CLSTN3: variants seen among roughly 807,000 people sequenced by gnomAD.
CLSTN3 encodes the protein calsyntenin-3.
In CLSTN3, 36 loss-of-function variants were observed where a neutral mutation model predicts 95.9. The ratio of observed to expected loss-of-function variants is 0.38; its 90% CI spans 0.29 to 0.50. CLSTN3 has a LOEUF of 0.50. Ranked by LOEUF, CLSTN3 falls within the 20% of genes least tolerant of loss-of-function variation. The probability of loss-of-function intolerance (pLI) is 0.95; values close to 1 mark genes in which losing one functional copy is unlikely to be tolerated. For synonymous variants in CLSTN3, 481 were observed against 504.0 expected, an observed-to-expected ratio of 0.95 and a Z score of 0.61; for missense variants, 1,084 against 1,268.8, an observed-to-expected ratio of 0.85 and a Z score of 2.21.
chr12:7,139,265 G>A (rs1325577946), intron 8 of CLSTN3, among the ~76,000 whole-genome samples: 1 of 152,228 alleles, frequency 6.6e-6, no homozygotes, highest in Non-Finnish European at 1.5e-5. Context: ...CGGGAGGCAA[G>A]GAAAGGAGAA....
At position 7,135,318 on chromosome 12, in the gene CLSTN3, C is replaced by T. The variant is rs2278822; in HGVS notation, c.384-9C>T. 0.83 allele frequency: 1,341,838 copies of T among 1,612,794 alleles called. 562,672 individuals are homozygous for T. The highest frequency in any genetic ancestry group is 0.87 in the South Asian group (79,298 of 91,038). On this transcript the variant is annotated splice_polypyrimidine_tract_variant and intron_variant, in intron 3 of 17. Transcript: ENST00000266546. ...TGTCTTCATCCCTCCTTCTCTCTGG[C>T]ATATGCAGGGCCACTGTGCATGTGC...
intron 8 of CLSTN3, among the ~76,000 whole-genome samples, chr12:7,139,148 C>T (rs1020771877): frequency 3.3e-5 from 5 of 152,184 alleles, no homozygotes; most frequent in African/African-American, 9.7e-5. Flanking sequence ...ATTCAACTTA[C>T]ATTTCAGTTG....
chr12:7,158,291 G>A lies in CLSTN3; in HGVS notation c.*210G>A. 3.6e-6 allele frequency: 2 copies of A among 551,728 alleles called. No homozygotes were observed. The highest frequency in any genetic ancestry group is 3.1e-6 in the Non-Finnish European group (1 of 323,120). The allele number at this position is 551,728 out of a possible 1,614,324, so 34.2% of individuals were successfully genotyped here. ...CCATCCCTCACTTCTGGGCTGTCATGCTCCTGGTGTGCCCCTTGCACTGGG... is the reference window on the plus strand; with the variant it reads ...CCATCCCTCACTTCTGGGCTGTCATACTCCTGGTGTGCCCCTTGCACTGGG... On this transcript the variant is annotated 3_prime_UTR_variant, in exon 18 of 18. Transcript: ENST00000266546.
At chr12:7,146,146 A>G (rs1311332405) in intron 12 of CLSTN3, among the ~76,000 whole-genome samples, 9 of 152,192 alleles carry the variant, frequency 5.9e-5, no homozygotes, top group Admixed American at 3.9e-4. Context: ...TGCCCACTGC[A>G]TAAAAATGTC....
At position 7,150,468 on chromosome 12, in the gene CLSTN3, G is replaced by A; in HGVS notation, c.2246-76G>A. On this transcript the variant is annotated intron_variant, in intron 14 of 17. Coordinates refer to ENST00000266546, the MANE Select transcript of CLSTN3 (RefSeq NM_014718.4). This position sits in a 1 kb window ranked among gnomAD's most constrained non-coding sequence, Gnocchi z 4.0. ...TACAGCTTGTGTGGCGTCAGCTGGT[G>A]GGAGTCCAGGAGAGAGGGTCCTGCC... 1 of 1,527,174 alleles carries A rather than the reference G, an allele frequency of 6.5e-7. No homozygotes were observed. Among genetic ancestry groups the A allele is most frequent in the Non-Finnish European group, 8.9e-7 (1 of 1,126,086 alleles). 94.6% of individuals were successfully genotyped at this position (1,527,174 alleles called of 1,614,324 possible).
Position 7,135,355 on chromosome 12 carries a change from G to A in CLSTN3, c.412G>A (p.Val138Met), listed in dbSNP as rs1163837353. ...CACTGTGCATGTGCGGGTCAACGATGTGAACGAGTTTGCCCCAGTGTTTGT... is the reference window on the plus strand; with the variant it reads ...CACTGTGCATGTGCGGGTCAACGATATGAACGAGTTTGCCCCAGTGTTTGT... ...KATVHVRVND[V>M]NEFAPVFVER... The change falls in exon 4 of 18, where the codon GTG becomes ATG. Residue 138 changes from valine (V) to methionine (M), a missense_variant. Coordinates refer to ENST00000266546, the MANE Select transcript of CLSTN3 (RefSeq NM_014718.4). The A allele has an allele frequency of 5.0e-6, 8 of 1,614,026 alleles. No individual in the cohort carries two copies. The highest frequency in any genetic ancestry group is 2.7e-5 in the African/African-American group (2 of 74,900).
rs1939347305 is a variant in CLSTN3 at position 7,133,624 on chromosome 12, T to C, written c.239T>C (p.Val80Ala). Residue 80 changes from valine to alanine, a missense_variant, in exon 3 of 18, where the codon GTG (valine) becomes GCG (alanine). Physicochemically the swap from Val to Ala is moderately conservative, Grantham distance 64 (BLOSUM62 0). Transcript: ENST00000266546. This position sits in a 1 kb window ranked among gnomAD's most constrained non-coding sequence, Gnocchi z 4.7. Reference protein sequence around the residue: ...LHGSGVPFEAVILDKATGEGL... With the variant: ...LHGSGVPFEAAILDKATGEGL... ...GGGTCTGGGGTGCCCTTTGAGGCTG[T>C]GATCCTTGACAAGGCGACAGGAGAG... 6.2e-7 allele frequency: 1 copy of C among 1,614,076 alleles called. No individual in the cohort carries two copies. The highest frequency in any genetic ancestry group is 8.5e-7 in the Non-Finnish European group (1 of 1,179,994).
At chr12:7,138,629 C>G (rs1939472881) in intron 8 of CLSTN3, 1 of 150,404 alleles carries the variant, frequency 6.6e-6, no homozygotes. Context: ...TATGTTAATT[C>G]TCACTATTAT....
rs139276160 is a variant in CLSTN3 at position 7,142,907 on chromosome 12, C to T, written c.1579C>T (p.Leu527=). 15 of 1,614,050 alleles carry T rather than the reference C, an allele frequency of 9.3e-6. No individual in the cohort carries two copies. The highest frequency in any genetic ancestry group is 1.3e-5 in the African/African-American group (1 of 74,918). ...GATCCACCACTACTTCCATGGCTAC[C>T]TGGCTGGTTTCAGCGTGCGCTCAGG... is the stretch of plus-strand genomic sequence containing the variant. ...LSIHHYFHGY[L]AGFSVRSGRL... Residue 527 remains leucine (L), a synonymous_variant, in exon 11 of 18, where the codon CTG becomes TTG. Transcript: ENST00000266546.
rs767653131 is a variant in CLSTN3 at position 7,137,435 on chromosome 12, C to A, written c.1210+325C>A. ...AAGCCCCTCCATTGCAATGGGAAAG[C>A]CTGGGTAATGGTGTGCCCCATTCTT... On this transcript the variant is annotated intron_variant, in intron 7 of 17. Transcript: ENST00000266546. This position sits in a 1 kb window ranked among gnomAD's most constrained non-coding sequence, Gnocchi z 4.4. The A allele has an allele frequency of 1.4e-5, 5 of 350,378 alleles. No individual in the cohort carries two copies. Among genetic ancestry groups the A allele is most frequent in the South Asian group, 6.5e-5 (2 of 30,670 alleles). 21.7% of individuals were successfully genotyped at this position (350,378 alleles called of 1,614,324 possible).
intron 1 of CLSTN3, chr12:7,130,914 A>G (rs1284594533): frequency 1.6e-5 from 10 of 622,344 alleles, no homozygotes; most frequent in South Asian, 3.8e-5. Flanking sequence ...TTTCTGGTCC[A>G]TCTCTACCCA....
At position 7,149,345 on chromosome 12, in the gene CLSTN3, A is replaced by G; in HGVS notation, c.2074+147A>G. On this transcript the variant is annotated intron_variant, in intron 13 of 17. Coordinates refer to ENST00000266546, the MANE Select transcript of CLSTN3 (RefSeq NM_014718.4). The surrounding 1 kb of genome is among the most constrained non-coding windows in gnomAD (Gnocchi z 4.5). ...ACAACTTACCTTTAAGAAGGAGAGCAAGTGGAAAACACGTGGGTGGAAATG... is the reference window on the plus strand; with the variant it reads ...ACAACTTACCTTTAAGAAGGAGAGCGAGTGGAAAACACGTGGGTGGAAATG... 1 of 925,518 alleles carries G rather than the reference A, an allele frequency of 1.1e-6. No individual in the cohort carries two copies. Among genetic ancestry groups the G allele is most frequent in the Non-Finnish European group, 1.6e-6 (1 of 608,906 alleles). The allele number at this position is 925,518 out of a possible 1,614,324, so 57.3% of individuals were successfully genotyped here.
At chr12:7,142,462 T>C (rs1939543897) in intron 10 of CLSTN3, among the ~76,000 whole-genome samples, 1 of 151,992 alleles carries the variant, frequency 6.6e-6, no homozygotes, top group African/African-American at 2.4e-5. Flanking sequence ...TGAAGCTCGC[T>C]CACATCCATC....
chr12:7,152,721 T>G (rs1023247909), intron 16 of CLSTN3, among the ~76,000 whole-genome samples: 5 of 152,198 alleles, frequency 3.3e-5, no homozygotes, highest in Admixed American at 3.3e-4. Context: ...GCTTATTAAC[T>G]CATTTAGCCA....
intron 16 of CLSTN3, among the ~76,000 whole-genome samples, chr12:7,151,362 A>C (rs1939721262): frequency 6.6e-6 from 1 of 152,124 alleles, no homozygotes; most frequent in Non-Finnish European, 1.5e-5. Context: ...CTCCTTCCCC[A>C]GCCCCAAGCA....
Position 7,137,242 on chromosome 12 carries a change from G to T in CLSTN3, c.1210+132G>T. 1 of 823,424 alleles carries T rather than the reference G, an allele frequency of 1.2e-6. No individual in the cohort carries two copies. The highest frequency in any genetic ancestry group is 1.9e-6 in the Non-Finnish European group (1 of 533,958). The allele number at this position is 823,424 out of a possible 1,614,324, so 51.0% of individuals were successfully genotyped here. A position where few individuals can be genotyped will look rare whatever the true frequency, so the allele number is the denominator to read the frequency against. On this transcript the variant is annotated intron_variant, in intron 7 of 17. Coordinates refer to ENST00000266546, the MANE Select transcript of CLSTN3 (RefSeq NM_014718.4). This position sits in a 1 kb window ranked among gnomAD's most constrained non-coding sequence, Gnocchi z 4.4. ...TTTGTGAGGTGCAAGTGCCAGGTGTGATATGCCTTGATTCTGTGCTTTATC... is the reference window on the plus strand; with the variant it reads ...TTTGTGAGGTGCAAGTGCCAGGTGTTATATGCCTTGATTCTGTGCTTTATC...
rs374532645 is a variant in CLSTN3, at chr12:7,130,654, C to A, written c.6C>A (p.Thr2=). The A allele has an allele frequency of 1.9e-6, 3 of 1,570,198 alleles. No individual in the cohort carries two copies. Among genetic ancestry groups the A allele is most frequent in the African/African-American group, 2.7e-5 (2 of 74,202 alleles). The part of the protein sequence containing the change: M[T]LLLLPLLLAS... ...GCCCTGCCCCACGCCGCACCATGAC[C>A]CTCCTGCTGCTGCCCCTTCTGCTGG... Residue 2 remains threonine, a synonymous_variant, in exon 1 of 18, where the codon ACC becomes ACA. Coordinates refer to ENST00000266546, the MANE Select transcript of CLSTN3 (RefSeq NM_014718.4).
Position 7,157,573 on chromosome 12 carries a change from A to G in CLSTN3, c.2612A>G (p.His871Arg), listed in dbSNP as rs1287691782. The change falls in exon 17 of 18, where the codon CAT (histidine) becomes CGT (arginine). Residue 871 changes from histidine to arginine, a missense_variant. Physicochemically the swap from His to Arg is conservative, Grantham distance 29. Transcript: ENST00000266546. The surrounding 1 kb of genome is among the most constrained non-coding windows in gnomAD (Gnocchi z 5.9). ...GTCGTCCTGGGCCTGGTGCGCATCCATTCCCTTCACCGCCGCGTCTCAGGG... is the reference window on the plus strand; with the variant it reads ...GTCGTCCTGGGCCTGGTGCGCATCCGTTCCCTTCACCGCCGCGTCTCAGGG... Reference protein sequence around the residue: ...LMVVLGLVRIHSLHRRVSGAG... With the variant: ...LMVVLGLVRIRSLHRRVSGAG... The G allele has an allele frequency of 6.2e-7, 1 of 1,613,414 alleles. No homozygotes were observed. Among genetic ancestry groups the G allele is most frequent in the Admixed American group, 1.7e-5 (1 of 59,922 alleles).
At chr12:7,156,142 C>T in intron 16 of CLSTN3, 1 of 380,490 alleles carries the variant, frequency 2.6e-6, no homozygotes, top group Non-Finnish European at 5.2e-6. Flanking sequence ...GGAATAGTCC[C>T]TCAGCAACGG....
Sources: gnomAD v4.1 joint callset for allele counts (sites outside exome capture counted in the v4.1 genomes callset) on GRCh38, gnomAD v4.1.1 for gene constraint, Gnocchi (gnomAD v3.1) non-coding constraint, MANE v1.5 for transcripts, NCBI Gene and HGNC (gene_info 2026-07-23, HGNC 2026-07-21) for gene names.